Variants in DOCK4 observed in about 807,000 individuals in gnomAD.
DOCK4 encodes dedicator of cytokinesis protein 4.
Under a neutral mutation model 268.1 loss-of-function variants are expected in DOCK4, and 97 were observed. That is an observed-to-expected ratio of 0.36 (90% CI 0.31 to 0.43). The LOEUF is 0.43. DOCK4 is among the 20% of genes least tolerant of loss of function. DOCK4 has a pLI of 1.00. For synonymous variants in DOCK4, 954 were observed against 887.2 expected (o/e 1.08, Z -1.34); for missense variants, 2,145 against 2,455.7 (o/e 0.87, Z 2.67).
intron 1 of DOCK4, among the ~76,000 whole-genome samples, chr7:112,045,451 G>A (rs796888998): frequency 4.6e-5 from 7 of 152,270 alleles, no homozygotes; most frequent in African/African-American, 1.7e-4. Flanking sequence ...TATGAGACTA[G>A]GGAATTATTC....
rs552658673 is a variant in DOCK4 at position 112,036,985 on chromosome 7, G to A, written c.38-32854C>T. ...CTGACAGGATTTAACTTTACATGAT[G>A]TGAAAGCAATACACACTGACAGTAG... On this transcript the variant is annotated intron_variant, in intron 1 of 52. Transcript: ENST00000428084. Among the ~76,000 whole-genome samples, 92 of 152,216 alleles carry A rather than the reference G, an allele frequency of 6.0e-4. 1 individual carries two copies. The highest frequency in any genetic ancestry group is 6.8e-3 in the Middle Eastern group (2 of 294).
chr7:111,900,831 G>A (rs1791081022), intron 14 of DOCK4, among the ~76,000 whole-genome samples: 1 of 152,188 alleles, frequency 6.6e-6, no homozygotes, highest in Non-Finnish European at 1.5e-5. Context: ...TTCCCAACCT[G>A]CCATAGTCAA....
chr7:112,085,680 T>C (rs1255377644), intron 1 of DOCK4, among the ~76,000 whole-genome samples: 1 of 152,076 alleles, frequency 6.6e-6, no homozygotes, highest in African/African-American at 2.4e-5. Context: ...ATTCCTAAGA[T>C]AAATAATGGA....
chr7:112,090,216 G>A (rs183672190), intron 1 of DOCK4, among the ~76,000 whole-genome samples: 5 of 152,032 alleles, frequency 3.3e-5, no homozygotes, highest in African/African-American at 9.7e-5. Context: ...TATCATTAGA[G>A]GTTCTAAAAA....
chr7:112,018,143 CAAAAAAAAAAAAAAAAAAAA>C lies in DOCK4; in HGVS notation c.38-14032_38-14013del, dbSNP rs140883588. On this transcript the variant is annotated intron_variant, in intron 1 of 52. Transcript: ENST00000428084. ...TGGGCAACACAGCAAGACTCCAGCT[CAAAAAAAAAAAAAAAAAAAA>C]AAAAAAAAAAAAAAAAACACAGGCA... Among the ~76,000 whole-genome samples the C allele has an allele frequency of 1.4e-3, 29 of 20,640 alleles. 1 individual carries two copies. In the South Asian group the frequency reaches 0.07, roughly 49 times the overall value. The allele number at this position is 20,640 out of a possible 152,430, so 13.5% of individuals were successfully genotyped here. A position where few individuals can be genotyped will look rare whatever the true frequency, so the allele number is the denominator to read the frequency against.
At chr7:111,953,781 C>A (rs763799000) in intron 8 of DOCK4, 1 of 152,252 alleles carries the variant, frequency 6.6e-6, no homozygotes, top group Non-Finnish European at 1.5e-5. Flanking sequence ...CCTTCTTCTA[C>A]CAGGGAGAAC....
At chr7:111,882,476 T>G (rs779656148) in intron 16 of DOCK4, among the ~76,000 whole-genome samples, 1 of 152,236 alleles carries the variant, frequency 6.6e-6, no homozygotes, top group Non-Finnish European at 1.5e-5. Flanking sequence ...TGATTCTGAT[T>G]ATACATTTAA....
chr7:112,069,314 C>T (rs1048038851), intron 1 of DOCK4, among the ~76,000 whole-genome samples: 1 of 152,200 alleles, frequency 6.6e-6, no homozygotes, highest in Non-Finnish European at 1.5e-5. Context: ...CTCATCTTCT[C>T]ATTCAGGCAC....
At chr7:111,897,663 C>T (rs1190616496) in intron 15 of DOCK4, among the ~76,000 whole-genome samples, 2 of 152,142 alleles carry the variant, frequency 1.3e-5, no homozygotes, top group African/African-American at 4.8e-5. Context: ...TGCTACAGTT[C>T]AGGGATCCTC....
intron 25 of DOCK4, among the ~76,000 whole-genome samples, chr7:111,844,411 ACT>A (rs1803934860): frequency 6.6e-6 from 1 of 151,946 alleles, no homozygotes. Context: ...GACTCCTATT[ACT>A]CTGTTTCACT....
intron 1 of DOCK4, among the ~76,000 whole-genome samples, chr7:112,082,728 A>C (rs1808715626): frequency 6.6e-6 from 1 of 152,158 alleles, no homozygotes; most frequent in South Asian, 2.1e-4. Context: ...TACTATATAG[A>C]AAAAGAGAAA....
chr7:111,949,444 A>G (rs1357596547), intron 8 of DOCK4, among the ~76,000 whole-genome samples: 2 of 152,194 alleles, frequency 1.3e-5, no homozygotes, highest in Non-Finnish European at 2.9e-5. Context: ...ACTAGTTTAC[A>G]CAGAATCCTG....
rs543744360 is a variant in DOCK4, at chr7:112,181,862, C to T, written c.37+24240G>A. Among the ~76,000 whole-genome samples, 18 of 152,198 alleles carry T rather than the reference C, an allele frequency of 1.2e-4. No individual in the cohort carries two copies. In the South Asian group the frequency reaches 2.9e-3, roughly 25 times the overall value. On this transcript the variant is annotated intron_variant, in intron 1 of 52. Coordinates refer to ENST00000428084, the MANE Select transcript of DOCK4 (RefSeq NM_001363540.2). ...GGACATATACAACCTCCTGAGGATT[C>T]TATGCTATTAAATCCGCAGGACAGC...
chr7:112,022,624 C>A (rs1158237243), intron 1 of DOCK4, among the ~76,000 whole-genome samples: 3 of 152,176 alleles, frequency 2.0e-5, no homozygotes, highest in Non-Finnish European at 4.4e-5. Flanking sequence ...ATTTGCCTCA[C>A]AGGGTTCTGT....
intron 1 of DOCK4, among the ~76,000 whole-genome samples, chr7:112,048,923 T>C (rs1044110707): frequency 7.2e-5 from 11 of 151,960 alleles, no homozygotes; most frequent in Admixed American, 3.3e-4. Context: ...ATCCTGATGA[T>C]CTCCCTCCCC....
chr7:112,109,880 G>A (rs1811484046), intron 1 of DOCK4, among the ~76,000 whole-genome samples: 2 of 150,852 alleles, frequency 1.3e-5, no homozygotes, highest in African/African-American at 5.0e-5. Context: ...AAGTAGCTGG[G>A]ACTACAGGCG....
At chr7:111,845,633 T>C (rs922938644) in intron 24 of DOCK4, among the ~76,000 whole-genome samples, 1 of 152,180 alleles carries the variant, frequency 6.6e-6, no homozygotes, top group African/African-American at 2.4e-5. Context: ...TAAAAAATAC[T>C]TTTAGAAAGT....
intron 1 of DOCK4, among the ~76,000 whole-genome samples, chr7:112,154,223 C>T (rs928266913): frequency 6.6e-6 from 1 of 152,136 alleles, no homozygotes; most frequent in Admixed American, 6.5e-5. Context: ...CCTCCCACCT[C>T]GGCCTCCCAA....
At chr7:112,078,690 A>T (rs891253932) in intron 1 of DOCK4, among the ~76,000 whole-genome samples, 1 of 152,204 alleles carries the variant, frequency 6.6e-6, no homozygotes, top group Non-Finnish European at 1.5e-5. Flanking sequence ...ACTCAAGCCA[A>T]CTGGGAAGAA....
Sources: gnomAD v4.1 joint callset for allele counts (sites outside exome capture counted in the v4.1 genomes callset) on GRCh38, gnomAD v4.1.1 for gene constraint, MANE v1.5 for transcripts, NCBI Gene and HGNC (gene_info 2026-07-23, HGNC 2026-07-21) for gene names.